KSR2: variants seen among roughly 807,000 people sequenced by gnomAD.
The protein encoded by KSR2 is kinase suppressor of ras 2.
A neutral mutation model predicts 107.8 loss-of-function variants in KSR2; 25 were observed. That is an observed-to-expected ratio of 0.23 (90% CI 0.17 to 0.32). KSR2 has a LOEUF of 0.32. Ranked by LOEUF, KSR2 falls within the 10% of genes least tolerant of loss-of-function variation. KSR2 has a pLI of 1.00. For missense variants in KSR2, 887 were observed against 1,268.9 expected, an observed-to-expected ratio of 0.70 and a Z score of 4.57; for synonymous variants, 480 against 507.0, an observed-to-expected ratio of 0.95 and a Z score of 0.71.
intron 4 of KSR2, among the ~76,000 whole-genome samples, chr12:117,724,903 G>A (rs1282393382): frequency 6.6e-6 from 1 of 152,126 alleles, no homozygotes; most frequent in African/African-American, 2.4e-5. Flanking sequence ...TCAAAGACAA[G>A]AGGAGGAATA....
chr12:117,809,788 T>C (rs1351092180), intron 3 of KSR2, among the ~76,000 whole-genome samples: 2 of 152,126 alleles, frequency 1.3e-5, no homozygotes, highest in African/African-American at 4.8e-5. Context: ...TAGCAGGAGC[T>C]GAAAAATAAA....
chr12:117,685,213 A>G (rs544011829), intron 4 of KSR2, among the ~76,000 whole-genome samples: 149 of 152,352 alleles, frequency 9.8e-4, no homozygotes, highest in Middle Eastern at 6.8e-3. Context: ...GTTGGCGTCC[A>G]GGCCCGTTGA....
chr12:117,728,628 T>C (rs1264603337), intron 4 of KSR2, among the ~76,000 whole-genome samples: 3 of 152,174 alleles, frequency 2.0e-5, no homozygotes, highest in Non-Finnish European at 2.9e-5. Flanking sequence ...AACCTGTGTG[T>C]TCCCCCAGCG....
At chr12:117,811,874 A>G (rs537876884) in intron 3 of KSR2, among the ~76,000 whole-genome samples, 1 of 152,306 alleles carries the variant, frequency 6.6e-6, no homozygotes, top group East Asian at 1.9e-4. Flanking sequence ...TTCTGCAGGG[A>G]CCTGAGGCAA....
Position 117,476,498 on chromosome 12 carries a change from G to C in KSR2, c.2548C>G (p.Pro850Ala). Residue 850 changes from proline (P) to alanine (A), a missense_variant, in exon 17 of 20, where the codon CCC becomes GCC. Physicochemically the swap from Pro to Ala is conservative, Grantham distance 27 (BLOSUM62 -1). Around this residue, in one of 8 missense-constraint regions of KSR2, gnomAD observed 308 missense variants for 506.2 expected, o/e 0.61. Transcript: ENST00000339824. ...LSPDTEEDKL[P>A]FSKHSDVFAL... ...AAGACGTCAGAGTGCTTGGAGAAGG[G>C]GAGCTTATCCTCCTCTGTGTCGGGG... is the stretch of plus-strand genomic sequence containing the variant. 2 of 1,606,536 alleles carry C rather than the reference G, an allele frequency of 1.2e-6. No homozygotes were observed. Among genetic ancestry groups the C allele is most frequent in the Non-Finnish European group, 1.7e-6 (2 of 1,176,602 alleles).
chr12:117,801,855 G>T (rs1384553732), intron 3 of KSR2, among the ~76,000 whole-genome samples: 1 of 151,948 alleles, frequency 6.6e-6, no homozygotes, highest in East Asian at 1.9e-4. Context: ...AAGAAGAACA[G>T]CAGGTGGCCT....
intron 3 of KSR2, among the ~76,000 whole-genome samples, chr12:117,826,649 C>T (rs58999525): frequency 0.011 from 1,633 of 152,178 alleles, 35 homozygotes; most frequent in African/African-American, 0.037. Context: ...CACTGCCTGA[C>T]ATTAGCAGAT....
At chr12:117,949,114 A>C (rs1408911022) in intron 1 of KSR2, among the ~76,000 whole-genome samples, 1 of 152,098 alleles carries the variant, frequency 6.6e-6, no homozygotes, top group Non-Finnish European at 1.5e-5. Flanking sequence ...ATAAATCAAA[A>C]TAAAAACATA....
chr12:117,575,019 G>A (rs545786883), intron 7 of KSR2, among the ~76,000 whole-genome samples: 1 of 152,168 alleles, frequency 6.6e-6, no homozygotes, highest in South Asian at 2.1e-4. Context: ...TCTCACTCAG[G>A]TATGAGACCA....
In KSR2 at chr12:117,848,918, T is replaced by C. The variant is rs556425073; in HGVS notation, c.472+6510A>G. Among the ~76,000 whole-genome samples the C allele has an allele frequency of 5.4e-5, 8 of 149,312 alleles. No homozygotes were observed. In the South Asian group the frequency reaches 1.7e-3, roughly 31 times the overall value. On this transcript the variant is annotated intron_variant, in intron 3 of 19. Transcript: ENST00000339824. ...TGGTGGTGGTGATTTGCCTGTATCA[T>C]CTCATGTAATGCTCCCAGCAACCAC...
intron 14 of KSR2, among the ~76,000 whole-genome samples, chr12:117,508,016 C>T (rs1873803307): frequency 6.6e-6 from 1 of 152,104 alleles, no homozygotes; most frequent in South Asian, 2.1e-4. Flanking sequence ...TCTTAGACCT[C>T]TACACTCATC....
chr12:117,575,763 C>A (rs1879247417), intron 7 of KSR2, among the ~76,000 whole-genome samples: 1 of 152,198 alleles, frequency 6.6e-6, no homozygotes, highest in Non-Finnish European at 1.5e-5. Flanking sequence ...CTCTTATATG[C>A]CAGGAGTCAT....
rs572638634 is a variant in KSR2 at position 117,454,972 on chromosome 12, G to C, written c.*12227C>G. On this transcript the variant is annotated 3_prime_UTR_variant, in exon 20 of 20. Transcript: ENST00000339824. The stretch of plus-strand genomic sequence containing the variant: ...ACCCAATGCAGGGCACTAAGAAATA[G>C]AGACACATCCTTCACTGTGTGGAGG... The C allele has an allele frequency of 6.6e-6, 1 of 151,994 alleles. No individual in the cohort carries two copies. Among genetic ancestry groups the C allele is most frequent in the East Asian group, 1.9e-4 (1 of 5,158 alleles). The allele number at this position is 151,994 out of a possible 1,614,324, so 9.4% of individuals were successfully genotyped here.
chr12:117,777,119 C>CTATATATTATA (rs1593226181), intron 3 of KSR2, among the ~76,000 whole-genome samples: 2 of 115,560 alleles, frequency 1.7e-5, no homozygotes, highest in African/African-American at 4.0e-5. Context: ...CACACACACA[C>CTATATATTATA]CATATATATA....
At chr12:117,927,608 A>C (rs974165014) in intron 1 of KSR2, among the ~76,000 whole-genome samples, 5 of 151,502 alleles carry the variant, frequency 3.3e-5, no homozygotes, top group African/African-American at 1.2e-4. Context: ...CAGAAGAATC[A>C]CTTGACCCTG....
chr12:117,851,579 C>A (rs1024702183), intron 3 of KSR2, among the ~76,000 whole-genome samples: 9 of 151,808 alleles, frequency 5.9e-5, no homozygotes, highest in African/African-American at 1.9e-4. Context: ...CAAAGCAAGA[C>A]CCTGTCTCAA....
At chr12:117,668,419 G>A (rs574546992) in intron 4 of KSR2, among the ~76,000 whole-genome samples, 33 of 152,278 alleles carry the variant, frequency 2.2e-4, no homozygotes, top group African/African-American at 7.5e-4. Flanking sequence ...GATCTGATGG[G>A]GTGCCTCACA....
Position 117,868,898 on chromosome 12 carries a change from G to A in KSR2, c.181-8467C>T, listed in dbSNP as rs554847794. ...CCCGAGTAGGTGGGACCACAGGTGC[G>A]TGCCACCACACTCAACTAATTTTTG... On this transcript the variant is annotated intron_variant, in intron 1 of 19. Transcript: ENST00000339824. Among the ~76,000 whole-genome samples the A allele has an allele frequency of 3.9e-5, 6 of 151,916 alleles. No homozygotes were observed. In the East Asian group the frequency reaches 5.9e-4, roughly 15 times the overall value.
chr12:117,656,981 GATATATATATATATATATATAT>G (rs59605571), intron 5 of KSR2, among the ~76,000 whole-genome samples: 2 of 98,210 alleles, frequency 2.0e-5, no homozygotes, highest in Non-Finnish European at 1.9e-5. Context: ...TATATAATAG[GATATATATATATATATATATAT>G]ATATATATAT....
Sources: gnomAD v4.1 joint callset for allele counts (sites outside exome capture counted in the v4.1 genomes callset) on GRCh38, gnomAD v4.1.1 for gene constraint, gnomAD v4.1.1 regional missense constraint, MANE v1.5 for transcripts, NCBI Gene and HGNC (gene_info 2026-07-23, HGNC 2026-07-21) for gene names.